The following IDO2 variants were observed in gnomAD, a reference collection of about 807,000 sequenced individuals.
IDO2 encodes indoleamine 2,3-dioxygenase 2, also known as indoleamine 2,3-dioxygenase-like 1 protein.
Under a neutral mutation model 45.1 loss-of-function variants are expected in IDO2, and 46 were observed. The ratio of observed to expected loss-of-function variants is 1.02; its 90% confidence interval spans 0.80 to 1.30. The LOEUF (loss-of-function observed/expected upper bound fraction) is 1.30. Among genes scored for constraint, IDO2 ranks in the 50% most tolerant of loss-of-function variants. The pLI, the probability that IDO2 is intolerant of heterozygous loss-of-function variation, is 0.00. For missense variants in IDO2, 544 were observed against 491.8 expected (o/e 1.11, Z -1.00); for synonymous variants, 218 against 184.9 (o/e 1.18, Z -1.45).
At chr8:39,987,733 C>G in intron 6 of IDO2, 138 bp from the exon 7 acceptor site, 2 of 589,292 alleles carry the variant, frequency 3.4e-6, no homozygotes, top group South Asian at 4.6e-5. Flanking sequence ...TGCCCATCCT[C>G]AGGGCTGTCT....
intron 2 of IDO2, among the ~76,000 whole-genome samples, chr8:39,953,631 C>T (rs1285878881): frequency 2.0e-5 from 3 of 152,140 alleles, no homozygotes; most frequent in Admixed American, 6.5e-5. Context: ...GACGCCATCT[C>T]GGCTCCCTGC....
intron 8 of IDO2, among the ~76,000 whole-genome samples, chr8:40,004,115 G>A (rs181647141): frequency 6.6e-6 from 1 of 152,250 alleles, no homozygotes; most frequent in African/African-American, 2.4e-5. Context: ...AGCAGTATTG[G>A]TGAAAAGACA....
chr8:39,951,720 C>T (rs1454292250), intron 2 of IDO2, among the ~76,000 whole-genome samples: 1 of 152,212 alleles, frequency 6.6e-6, no homozygotes, highest in Non-Finnish European at 1.5e-5. Context: ...TAACCCAATT[C>T]AGGAATATCC....
exon 11 of IDO2, chr8:40,016,374 A>G: frequency 2.6e-6 from 1 of 388,238 alleles, no homozygotes; most frequent in Non-Finnish European, 4.6e-6. Flanking sequence ...GTGCAAATAA[A>G]TGTAAATGCT....
exon 11 of IDO2, chr8:40,015,666 G>C: frequency 1.6e-6 from 2 of 1,232,310 alleles, no homozygotes; most frequent in Non-Finnish European, 2.3e-6. Flanking sequence ...GGAGAATGAG[G>C]GTCAGGGTTC....
chr8:39,972,772 T>C (rs1450712692), intron 3 of IDO2, among the ~76,000 whole-genome samples: 1 of 152,068 alleles, frequency 6.6e-6, no homozygotes, highest in Non-Finnish European at 1.5e-5. Flanking sequence ...ACCAACATCC[T>C]GAACAGTAAG....
intron 8 of IDO2, among the ~76,000 whole-genome samples, chr8:39,991,736 A>G (rs922176030): frequency 5.3e-5 from 8 of 151,938 alleles, no homozygotes; most frequent in Non-Finnish European, 1.0e-4. Context: ...ATGCCCAGCT[A>G]ATTTTTGTAT....
At chr8:39,996,073 TAAAAAA>T (rs59691325) in intron 8 of IDO2, among the ~76,000 whole-genome samples, 1 of 141,644 alleles carries the variant, frequency 7.1e-6, no homozygotes, top group Admixed American at 7.0e-5. Flanking sequence ...TACCTAAGAG[TAAAAAA>T]AAAAAAAAAG....
At chr8:39,949,974 A>T (rs1370862876) in intron 2 of IDO2, among the ~76,000 whole-genome samples, 1 of 152,184 alleles carries the variant, frequency 6.6e-6, no homozygotes, top group East Asian at 1.9e-4. Context: ...TTCATCATTT[A>T]GCCCTTATAA....
At chr8:40,002,411 T>C (rs1161735349) in intron 8 of IDO2, among the ~76,000 whole-genome samples, 2 of 152,318 alleles carry the variant, frequency 1.3e-5, no homozygotes, top group East Asian at 3.9e-4. Flanking sequence ...CCCCGTCACC[T>C]TGCTTTTCTC....
intron 4 of IDO2, among the ~76,000 whole-genome samples, chr8:39,979,806 C>G (rs1010517239): frequency 6.6e-6 from 1 of 152,032 alleles, no homozygotes. Flanking sequence ...GTTTGAAGAC[C>G]TGCATTTGAA....
intron 3 of IDO2, among the ~76,000 whole-genome samples, chr8:39,978,207 G>A (rs894824259): frequency 1.3e-5 from 2 of 152,202 alleles, no homozygotes; most frequent in African/African-American, 2.4e-5. Context: ...CTGTGCCCAC[G>A]TGGCGGTGCC....
intron 6 of IDO2, chr8:39,987,450 A>C (rs952149569): frequency 1.3e-5 from 2 of 159,852 alleles, no homozygotes; most frequent in Non-Finnish European, 1.4e-5. Flanking sequence ...TTAGCTGGCT[A>C]TATGACCTTG....
intron 7 of IDO2, among the ~76,000 whole-genome samples, chr8:39,989,295 G>A (rs1808467302): frequency 6.6e-6 from 1 of 152,144 alleles, no homozygotes; most frequent in African/African-American, 2.4e-5. Context: ...CCCTCCATCA[G>A]CCTGTGGGGA....
intron 8 of IDO2, among the ~76,000 whole-genome samples, chr8:39,995,917 C>A (rs994478087): frequency 6.6e-6 from 1 of 152,082 alleles, no homozygotes; most frequent in Admixed American, 6.5e-5. Flanking sequence ...CCTAACGGAC[C>A]GTGGTCTAGC....
intron 3 of IDO2, among the ~76,000 whole-genome samples, chr8:39,966,323 G>A (rs1013778465): frequency 1.3e-5 from 2 of 151,978 alleles, no homozygotes; most frequent in Non-Finnish European, 2.9e-5. Flanking sequence ...CACCATGCAC[G>A]GCCTCTATCC....
chr8:39,954,686 C>T (rs1328826365), intron 2 of IDO2, among the ~76,000 whole-genome samples: 2 of 120,002 alleles, frequency 1.7e-5, no homozygotes, highest in Non-Finnish European at 3.2e-5. Context: ...GACAGAGTTG[C>T]ACTCTGTCAC....
intron 9 of IDO2, 131 bp from the exon 10 acceptor site, chr8:40,013,434 C>A: frequency 1.2e-6 from 1 of 850,714 alleles, no homozygotes; most frequent in East Asian, 2.5e-5. Context: ...ACAAAGATAC[C>A]CCCAATCCCT....
At chr8:40,012,944 T>A (rs1174933783) in intron 9 of IDO2, among the ~76,000 whole-genome samples, 1 of 152,214 alleles carries the variant, frequency 6.6e-6, no homozygotes, top group African/African-American at 2.4e-5. Flanking sequence ...AAGTATTTGA[T>A]AAAGGCATCC....
Sources: allele counts gnomAD v4.1 joint callset (sites outside exome capture counted in the v4.1 genomes callset), GRCh38; gene constraint gnomAD v4.1.1; transcripts MANE v1.5; gene names NCBI Gene and HGNC (gene_info 2026-07-23, HGNC 2026-07-21).